Variants in RIMS1 observed in about 807,000 individuals in gnomAD.
RIMS1 encodes regulating synaptic membrane exocytosis protein 1.
In RIMS1, 83 loss-of-function variants were observed where a neutral mutation model predicts 214.1. The observed-to-expected ratio is 0.39, with a 90% CI of 0.32 to 0.47. The LOEUF (loss-of-function observed/expected upper bound fraction) is 0.47. Ranked by LOEUF, RIMS1 falls within the 20% of genes least tolerant of loss-of-function variation. The probability of loss-of-function intolerance (pLI) is 0.99; values close to 1 mark genes in which losing one functional copy is unlikely to be tolerated. For synonymous variants in RIMS1, 793 were observed against 786.8 expected, an observed-to-expected ratio of 1.01 and a Z score of -0.13; for missense variants, 2,050 against 2,161.8, an observed-to-expected ratio of 0.95 and a Z score of 1.03.
chr6:72,267,519 A>G (rs2081134823), intron 22 of RIMS1, among the ~76,000 whole-genome samples: 1 of 152,146 alleles, frequency 6.6e-6, no homozygotes, highest in South Asian at 2.1e-4. Context: ...TAATTTTCAC[A>G]TGTCATTATT....
intron 29 of RIMS1, among the ~76,000 whole-genome samples, chr6:72,368,278 A>T (rs2098106095): frequency 6.7e-6 from 1 of 149,706 alleles, no homozygotes; most frequent in Non-Finnish European, 1.5e-5. Context: ...ACAGTACAGA[A>T]TCAGTGTTGT....
At chr6:72,113,589 G>T (rs541401534) in intron 4 of RIMS1, among the ~76,000 whole-genome samples, 2 of 151,922 alleles carry the variant, frequency 1.3e-5, no homozygotes, top group Non-Finnish European at 2.9e-5. Context: ...ACTTTCTTTT[G>T]AATTCTAGAA....
At chr6:72,095,320 T>C (rs542990248) in intron 2 of RIMS1, among the ~76,000 whole-genome samples, 1 of 152,098 alleles carries the variant, frequency 6.6e-6, no homozygotes, top group East Asian at 1.9e-4. Flanking sequence ...CCATTTTGCA[T>C]GATAACTTTT....
chr6:72,075,232 C>T (rs778375183), intron 2 of RIMS1, among the ~76,000 whole-genome samples: 3 of 152,066 alleles, frequency 2.0e-5, no homozygotes, highest in Non-Finnish European at 4.4e-5. Flanking sequence ...CAGGTATATA[C>T]CAGCACACCT....
intron 4 of RIMS1, among the ~76,000 whole-genome samples, chr6:72,120,542 T>A (rs1166083703): frequency 6.6e-6 from 1 of 152,070 alleles, no homozygotes; most frequent in Non-Finnish European, 1.5e-5. Context: ...CTTTGCAGAT[T>A]CTGGATATAG....
chr6:72,071,173 A>G (rs547446089), intron 2 of RIMS1, among the ~76,000 whole-genome samples: 3 of 152,262 alleles, frequency 2.0e-5, no homozygotes, highest in South Asian at 4.1e-4. Flanking sequence ...AGGCAGAAGA[A>G]TCACGTGAGG....
At chr6:72,040,927 A>C (rs1268377289) in intron 2 of RIMS1, among the ~76,000 whole-genome samples, 1 of 151,862 alleles carries the variant, frequency 6.6e-6, no homozygotes, top group Non-Finnish European at 1.5e-5. Context: ...ACAACCCTAC[A>C]ACCCCCCAAA....
At chr6:72,280,463 G>A (rs2089526306) in intron 23 of RIMS1, among the ~76,000 whole-genome samples, 1 of 151,878 alleles carries the variant, frequency 6.6e-6, no homozygotes, top group South Asian at 2.1e-4. Context: ...ATTCAAAATA[G>A]AAAATAACAT....
chr6:72,215,495 A>C (rs1025961525), intron 6 of RIMS1, among the ~76,000 whole-genome samples: 2 of 152,232 alleles, frequency 1.3e-5, no homozygotes, highest in Admixed American at 6.5e-5. Context: ...CTTATAAATC[A>C]TGGACTTCGG....
intron 29 of RIMS1, among the ~76,000 whole-genome samples, chr6:72,353,455 T>G (rs772802894): frequency 2.0e-5 from 3 of 152,174 alleles, no homozygotes; most frequent in Non-Finnish European, 4.4e-5. Flanking sequence ...GTTTTAAAAT[T>G]TCCTGGCCTC....
chr6:72,086,301 T>C (rs1834641789), intron 2 of RIMS1, among the ~76,000 whole-genome samples: 1 of 152,170 alleles, frequency 6.6e-6, no homozygotes, highest in Admixed American at 6.5e-5. Flanking sequence ...ATTATATTCC[T>C]ACAGCTGGTG....
At chr6:72,255,098 G>C (rs1486433736) in intron 16 of RIMS1, among the ~76,000 whole-genome samples, 1 of 151,988 alleles carries the variant, frequency 6.6e-6, no homozygotes, top group Non-Finnish European at 1.5e-5. Flanking sequence ...GTAATTATGT[G>C]GTAGTATTTG....
chr6:72,316,966 G>C, intron 28 of RIMS1: 1 of 612,162 alleles, frequency 1.6e-6, no homozygotes, highest in Non-Finnish European at 3.1e-6. Flanking sequence ...AGGCTCTGTG[G>C]AGAGGGTCGA....
chr6:72,125,406 T>C (rs2039303534), intron 4 of RIMS1, among the ~76,000 whole-genome samples: 1 of 152,194 alleles, frequency 6.6e-6, no homozygotes, highest in South Asian at 2.1e-4. Flanking sequence ...CGACCCCTGC[T>C]GGCAGGTGTC....
At chr6:72,206,926 C>T (rs1294799161) in intron 6 of RIMS1, among the ~76,000 whole-genome samples, 2 of 152,132 alleles carry the variant, frequency 1.3e-5, no homozygotes, top group African/African-American at 2.4e-5. Flanking sequence ...CTGCATTTAT[C>T]TTATTTACGT....
chr6:71,905,723 A>G (rs972617173), intron 1 of RIMS1, among the ~76,000 whole-genome samples: 3 of 152,146 alleles, frequency 2.0e-5, no homozygotes, highest in Non-Finnish European at 4.4e-5. Flanking sequence ...TGGTTTCCAC[A>G]CTGTGTCTGG....
chr6:72,352,443 G>C (rs2097486525), intron 29 of RIMS1, among the ~76,000 whole-genome samples: 1 of 152,134 alleles, frequency 6.6e-6, no homozygotes, highest in East Asian at 1.9e-4. Flanking sequence ...TATTTGTGTG[G>C]TAGAATTTAT....
chr6:72,109,645 G>T (rs1303948095), intron 4 of RIMS1, among the ~76,000 whole-genome samples: 1 of 152,064 alleles, frequency 6.6e-6, no homozygotes, highest in Non-Finnish European at 1.5e-5. Flanking sequence ...CTCCCATTTT[G>T]TAGGTTGCCT....
At chr6:72,113,686 C>T (rs1438911620) in intron 4 of RIMS1, among the ~76,000 whole-genome samples, 3 of 151,560 alleles carry the variant, frequency 2.0e-5, no homozygotes, top group Non-Finnish European at 4.4e-5. Context: ...TCTTATAAAC[C>T]CCAAGTGTTT....
Sources: gnomAD v4.1 joint callset for allele counts (sites outside exome capture counted in the v4.1 genomes callset) on GRCh38, gnomAD v4.1.1 for gene constraint, MANE v1.5 for transcripts, NCBI Gene and HGNC (gene_info 2026-07-23, HGNC 2026-07-21) for gene names.